PCDHGA9: variants seen among roughly 807,000 people sequenced by gnomAD.
The protein encoded by PCDHGA9 is protocadherin gamma subfamily A, 9.
In PCDHGA9, 37 loss-of-function variants were observed where a neutral mutation model predicts 62.5. The observed-to-expected ratio is 0.59, with a 90% confidence interval of 0.46 to 0.78. The LOEUF is 0.78. Ranked by LOEUF, PCDHGA9 falls within the 30% of genes least tolerant of loss-of-function variation. The pLI, the probability that PCDHGA9 is intolerant of heterozygous loss-of-function variation, is 0.00. For missense variants in PCDHGA9, 1,138 were observed against 1,166.2 expected, an observed-to-expected ratio of 0.98 and a Z score of 0.35; for synonymous variants, 459 against 484.6, an observed-to-expected ratio of 0.95 and a Z score of 0.69.
chr5:141,508,270 G>C lies in PCDHGA9; in HGVS notation c.2573-2677G>C, dbSNP rs547745015. On this transcript the variant is annotated intron_variant, in intron 3 of 3. Coordinates refer to ENST00000573521, the MANE Select transcript of PCDHGA9 (RefSeq NM_018921.3). Reference sequence around the variant, plus strand: ...TCTCCTGGGACCAAGAGAAAATCCCGGTCCTTGACCAAGGTGGGCCTTGGG... The same window carrying C: ...TCTCCTGGGACCAAGAGAAAATCCCCGTCCTTGACCAAGGTGGGCCTTGGG... 4 of 152,228 alleles carry C rather than the reference G, an allele frequency of 2.6e-5. No individual in the cohort carries two copies. The East Asian group carries it at 7.7e-4, about 29-fold the overall frequency. 9.4% of individuals were successfully genotyped at this position (152,228 alleles called of 1,614,324 possible). A position where few individuals can be genotyped will look rare whatever the true frequency, so the allele number is the denominator to read the frequency against.
chr5:141,452,364 A>G (rs1330623001), intron 1 of PCDHGA9, among the ~76,000 whole-genome samples: 1 of 152,188 alleles, frequency 6.6e-6, no homozygotes, highest in African/African-American at 2.4e-5. Flanking sequence ...GCCTTGCTTC[A>G]TTTTAGTAGG....
At position 141,485,833 on chromosome 5, in the gene PCDHGA9, G is replaced by A. The variant is rs780944737; in HGVS notation, c.2425-8974G>A. 64 of 1,613,904 alleles carry A rather than the reference G, an allele frequency of 4.0e-5. No homozygotes were observed. Among genetic ancestry groups the A allele is most frequent in the Non-Finnish European group, 2.5e-6 (3 of 1,180,004 alleles). On this transcript the variant is annotated intron_variant, in intron 1 of 3. Coordinates refer to ENST00000573521, the MANE Select transcript of PCDHGA9 (RefSeq NM_018921.3). This position sits in a 1 kb window ranked among gnomAD's most constrained non-coding sequence, Gnocchi z 5.7. Reference sequence around the variant, plus strand: ...TGACTGCTGTCGATGGAGGGAACCCGCCGAGATCTGGCACCGCAGAGCTCC... The same window carrying A: ...TGACTGCTGTCGATGGAGGGAACCCACCGAGATCTGGCACCGCAGAGCTCC...
chr5:141,428,338 T>G, intron 1 of PCDHGA9: 7 of 592,492 alleles, frequency 1.2e-5, no homozygotes, highest in East Asian at 3.1e-5. Flanking sequence ...TATGCTCTTC[T>G]TCCTCGCAGT....
intron 1 of PCDHGA9, among the ~76,000 whole-genome samples, chr5:141,446,473 G>C (rs558209769): frequency 2.0e-4 from 29 of 148,138 alleles, no homozygotes; most frequent in Non-Finnish European, 1.5e-4. Context: ...TAGACATATG[G>C]TCATCATTCT....
intron 1 of PCDHGA9, among the ~76,000 whole-genome samples, chr5:141,465,779 GT>G (rs879859429): frequency 5.2e-4 from 76 of 145,138 alleles, no homozygotes; most frequent in South Asian, 1.1e-3. Flanking sequence ...TCTTGTTACA[GT>G]TTTTTTTTTT....
chr5:141,483,442 AATCATCAGGACTTGTTG>A (rs2099581330), intron 1 of PCDHGA9, among the ~76,000 whole-genome samples: 1 of 152,196 alleles, frequency 6.6e-6, no homozygotes, highest in Non-Finnish European at 1.5e-5. Context: ...ACTACAATAA[AATCATCAGGACTTGTTG>A]ATTGACATGA....
rs1001215863 is a variant in PCDHGA9 at position 141,405,281 on chromosome 5, G to A, written c.2329G>A (p.Asp777Asn). ...HLIFPQPNYA[D>N]TLISQQSCEK... ...GATCTTCCCCCAGCCCAACTATGCA[G>A]ACACACTCATCAGCCAGCAGAGCTG... Residue 777 changes from aspartate (D) to asparagine (N), a missense_variant, in exon 1 of 4, where the codon GAC becomes AAC. By Grantham distance (23) the Asp-to-Asn change is conservative. Transcript: ENST00000573521. 2 of 1,614,158 alleles carry A rather than the reference G, an allele frequency of 1.2e-6. No individual in the cohort carries two copies. The highest frequency in any genetic ancestry group is 1.7e-6 in the Non-Finnish European group (2 of 1,180,036).
chr5:141,413,815 C>T (rs1357769705), intron 1 of PCDHGA9: 11 of 1,613,224 alleles, frequency 6.8e-6, no homozygotes, highest in Non-Finnish European at 8.5e-6. Flanking sequence ...CATTCACCAC[C>T]TGGTCCTCAC....
intron 1 of PCDHGA9, among the ~76,000 whole-genome samples, chr5:141,484,184 AG>A (rs1328674334): frequency 6.6e-6 from 1 of 152,244 alleles, no homozygotes; most frequent in Non-Finnish European, 1.5e-5. Flanking sequence ...CAATCATTCA[AG>A]GAAGCTATTA....
At chr5:141,464,415 C>A (rs1185416197) in intron 1 of PCDHGA9, among the ~76,000 whole-genome samples, 2 of 150,854 alleles carry the variant, frequency 1.3e-5, no homozygotes, top group Admixed American at 6.6e-5. Context: ...ATATATATAT[C>A]TATATATATA....
At chr5:141,438,739 G>A (rs1264194876) in intron 1 of PCDHGA9, among the ~76,000 whole-genome samples, 1 of 149,040 alleles carries the variant, frequency 6.7e-6, no homozygotes, top group African/African-American at 2.5e-5. Context: ...TCAGCTCACT[G>A]CAACCTCTGC....
chr5:141,422,908 C>G, intron 1 of PCDHGA9: 1 of 1,614,244 alleles, frequency 6.2e-7, no homozygotes, highest in Non-Finnish European at 8.5e-7. Flanking sequence ...CGACAATGCG[C>G]CCGAGATCCT....
intron 1 of PCDHGA9, chr5:141,427,734 C>A (rs2097062807): frequency 1.7e-6 from 2 of 1,207,418 alleles, no homozygotes; most frequent in Non-Finnish European, 2.4e-6. Flanking sequence ...GCTGAATGGC[C>A]AAGTCTCCTA....
At chr5:141,423,205 A>G in intron 1 of PCDHGA9, 1 of 1,613,612 alleles carries the variant, frequency 6.2e-7, no homozygotes, top group South Asian at 1.1e-5. Flanking sequence ...GGCCACCGTC[A>G]CGCTCACCGT....
intron 1 of PCDHGA9, chr5:141,419,610 C>G: frequency 1.9e-6 from 3 of 1,612,130 alleles, no homozygotes; most frequent in Middle Eastern, 1.8e-4. Flanking sequence ...GCCGCGCAGC[C>G]AGGCTACCTG....
At chr5:141,433,266 T>C in intron 1 of PCDHGA9, 1 of 1,315,306 alleles carries the variant, frequency 7.6e-7, no homozygotes, top group Non-Finnish European at 1.1e-6. Flanking sequence ...CGATCATAGC[T>C]CACTGCAGCC....
intron 1 of PCDHGA9, among the ~76,000 whole-genome samples, chr5:141,473,915 A>G (rs1366378437): frequency 3.3e-5 from 5 of 152,162 alleles, no homozygotes; most frequent in Non-Finnish European, 5.9e-5. Flanking sequence ...GTCTTAAGAA[A>G]ACTATGAGCT....
chr5:141,444,043 T>C (rs542828018), intron 1 of PCDHGA9, among the ~76,000 whole-genome samples: 1 of 151,820 alleles, frequency 6.6e-6, no homozygotes, highest in African/African-American at 2.4e-5. Context: ...AATCAGATAA[T>C]TTGGCATCTT....
intron 1 of PCDHGA9, among the ~76,000 whole-genome samples, chr5:141,472,516 G>T (rs545962540): frequency 2.0e-5 from 3 of 152,072 alleles, no homozygotes; most frequent in Non-Finnish European, 4.4e-5. Flanking sequence ...CTCCAGCCTG[G>T]GTGACAGAGT....
Sources: allele counts gnomAD v4.1 joint callset (sites outside exome capture counted in the v4.1 genomes callset), GRCh38; gene constraint gnomAD v4.1.1; non-coding constraint Gnocchi (gnomAD v3.1); transcripts MANE v1.5; gene names NCBI Gene and HGNC (gene_info 2026-07-23, HGNC 2026-07-21).